OSBPL8: variants seen among roughly 807,000 people sequenced by gnomAD.
OSBPL8 encodes oxysterol binding protein like 8.
Under a neutral mutation model 125.5 loss-of-function variants are expected in OSBPL8, and 59 were observed. The ratio of observed to expected loss-of-function variants is 0.47; its 90% CI spans 0.38 to 0.58. The LOEUF (loss-of-function observed/expected upper bound fraction) is 0.58. OSBPL8 is among the 20% of genes least tolerant of loss of function. The probability of loss-of-function intolerance (pLI) is 0.00; values close to 1 mark genes in which losing one functional copy is unlikely to be tolerated. For missense variants in OSBPL8, 758 were observed against 1,047.8 expected, an observed-to-expected ratio of 0.72 and a Z score of 3.82; for synonymous variants, 330 against 338.9, an observed-to-expected ratio of 0.97 and a Z score of 0.29.
At chr12:76,549,493 G>A (rs916385446) in intron 1 of OSBPL8, among the ~76,000 whole-genome samples, 3 of 151,936 alleles carry the variant, frequency 2.0e-5, no homozygotes, top group African/African-American at 4.8e-5. Context: ...TCACTGCAAC[G>A]TCCACCTCCC....
chr12:76,476,821 C>T (rs1876861216), intron 2 of OSBPL8, among the ~76,000 whole-genome samples: 1 of 151,972 alleles, frequency 6.6e-6, no homozygotes. Context: ...ACCACAGACT[C>T]AACTGTATAA....
At chr12:76,408,579 C>T (rs1430709447) in intron 5 of OSBPL8, among the ~76,000 whole-genome samples, 1 of 151,942 alleles carries the variant, frequency 6.6e-6, no homozygotes, top group Admixed American at 6.6e-5. Context: ...GCAGTGCTGC[C>T]CAGTAGAACG....
intron 16 of OSBPL8, among the ~76,000 whole-genome samples, chr12:76,378,093 T>A (rs1952898311): frequency 6.6e-6 from 1 of 152,128 alleles, no homozygotes; most frequent in Non-Finnish European, 1.5e-5. Flanking sequence ...TAAATTAAAA[T>A]TTTAAAAAAG....
At chr12:76,533,679 T>C (rs1045714715) in intron 1 of OSBPL8, among the ~76,000 whole-genome samples, 2 of 152,184 alleles carry the variant, frequency 1.3e-5, no homozygotes, top group Non-Finnish European at 2.9e-5. Flanking sequence ...CATCTCCACC[T>C]CATTACCTAC....
At chr12:76,369,356 T>TA (rs1163865449) in intron 20 of OSBPL8, 55 bp from the exon 21 acceptor site, 1 of 1,544,006 alleles carries the variant, frequency 6.5e-7, no homozygotes, top group East Asian at 2.3e-5. Flanking sequence ...CAAAGAACTT[T>TA]AAAACTTTCT....
At chr12:76,454,961 G>A (rs1486582732) in intron 3 of OSBPL8, among the ~76,000 whole-genome samples, 2 of 152,054 alleles carry the variant, frequency 1.3e-5, no homozygotes, top group Non-Finnish European at 2.9e-5. Context: ...GAGGCCGGGC[G>A]CGGTGGCTCA....
intron 1 of OSBPL8, among the ~76,000 whole-genome samples, chr12:76,504,536 C>T (rs2137137850): frequency 6.6e-6 from 1 of 152,268 alleles, no homozygotes; most frequent in African/African-American, 2.4e-5. Flanking sequence ...GATGGTGAAA[C>T]TGGCTGTGCA....
At chr12:76,403,155 C>G (rs1432856551) in intron 5 of OSBPL8, among the ~76,000 whole-genome samples, 1 of 152,152 alleles carries the variant, frequency 6.6e-6, no homozygotes, top group Non-Finnish European at 1.5e-5. Context: ...TTCTAACAAG[C>G]TGATGCACAT....
At chr12:76,393,881 G>A (rs1186072454) in intron 9 of OSBPL8, among the ~76,000 whole-genome samples, 5 of 151,874 alleles carry the variant, frequency 3.3e-5, no homozygotes, top group Admixed American at 1.3e-4. Flanking sequence ...TTAGCTGGGC[G>A]TGGTGGCATG....
intron 21 of OSBPL8, among the ~76,000 whole-genome samples, chr12:76,362,159 C>A (rs370059884): frequency 3.0e-4 from 46 of 152,022 alleles, no homozygotes; most frequent in African/African-American, 1.1e-3. Flanking sequence ...ATCCACATTT[C>A]TAGAGTAGGT....
intron 1 of OSBPL8, among the ~76,000 whole-genome samples, chr12:76,510,092 TTTAA>T (rs1351997707): frequency 1.1e-4 from 16 of 152,248 alleles, no homozygotes; most frequent in Non-Finnish European, 2.2e-4. Context: ...TTTCCATTTA[TTTAA>T]TGACTGCCTA....
At position 76,369,296 on chromosome 12, in the gene OSBPL8, C is replaced by T. The variant is rs1159758526; in HGVS notation, c.2246G>A (p.Arg749Gln). ...CATATCATTAAGTGGGTCCCATGGT[C>T]GGGTACTACATAAATGAAAAAAAAA... ...GEWHYKFADT[R>Q]PWDPLNDMIQ... Residue 749 changes from arginine (R) to glutamine (Q), a missense_variant, in exon 21 of 24, where the codon CGA becomes CAA. By Grantham distance (43) the Arg-to-Gln change is conservative. Coordinates refer to ENST00000261183, the MANE Select transcript of OSBPL8 (RefSeq NM_020841.5). The T allele has an allele frequency of 3.1e-6, 5 of 1,590,176 alleles. No homozygotes were observed. The highest frequency in any genetic ancestry group is 4.3e-6 in the Non-Finnish European group (5 of 1,172,774).
At chr12:76,508,769 A>T (rs1880682707) in intron 1 of OSBPL8, among the ~76,000 whole-genome samples, 1 of 152,206 alleles carries the variant, frequency 6.6e-6, no homozygotes, top group Non-Finnish European at 1.5e-5. Context: ...CAGTTTACAA[A>T]TGCCACGGCA....
intron 21 of OSBPL8, chr12:76,366,529 C>T: frequency 2.5e-6 from 1 of 403,740 alleles, no homozygotes. Context: ...TTTTCCTACT[C>T]TCTATTTTGT....
chr12:76,548,462 C>T (rs1312992314), intron 1 of OSBPL8, among the ~76,000 whole-genome samples: 2 of 152,104 alleles, frequency 1.3e-5, no homozygotes, highest in Non-Finnish European at 2.9e-5. Context: ...CTATAAGGGA[C>T]AGCTATATCT....
chr12:76,369,400 C>T, intron 20 of OSBPL8, 99 bp from the exon 21 acceptor site: 1 of 1,449,896 alleles, frequency 6.9e-7, no homozygotes, highest in Non-Finnish European at 9.1e-7. Flanking sequence ...TAATTATATA[C>T]ATAGTTCTAA....
chr12:76,420,892 A>C (rs950383454), intron 4 of OSBPL8, among the ~76,000 whole-genome samples: 5 of 152,068 alleles, frequency 3.3e-5, no homozygotes, highest in Non-Finnish European at 5.9e-5. Context: ...AGATGATGGA[A>C]TCATTCCTAT....
chr12:76,445,476 T>A (rs1394240154), intron 4 of OSBPL8, among the ~76,000 whole-genome samples: 5 of 152,040 alleles, frequency 3.3e-5, no homozygotes, highest in African/African-American at 1.2e-4. Context: ...TCAATACACA[T>A]GGCTATCAAA....
chr12:76,386,967 T>C (rs1167165720), intron 12 of OSBPL8, among the ~76,000 whole-genome samples: 3 of 152,162 alleles, frequency 2.0e-5, no homozygotes, highest in African/African-American at 4.8e-5. Context: ...GAGATGTTGT[T>C]AGGGGCTCTG....
Sources: allele counts gnomAD v4.1 joint callset (sites outside exome capture counted in the v4.1 genomes callset), GRCh38; gene constraint gnomAD v4.1.1; transcripts MANE v1.5; gene names NCBI Gene and HGNC (gene_info 2026-07-23, HGNC 2026-07-21).